The following DMXL1 variants were observed in gnomAD, a reference collection of about 807,000 sequenced individuals.
The protein encoded by DMXL1 is dmX-like protein 1.
In DMXL1, 99 loss-of-function variants were observed where a neutral mutation model predicts 319.2. That is an observed-to-expected ratio of 0.31 (90% CI 0.26 to 0.37). The LOEUF (loss-of-function observed/expected upper bound fraction) is 0.37. Ranked by LOEUF, DMXL1 falls within the 10% of genes least tolerant of loss-of-function variation. DMXL1 has a pLI of 1.00. For missense variants in DMXL1, 3,745 were observed against 3,595.6 expected, an observed-to-expected ratio of 1.04 and a Z score of -1.06; for synonymous variants, 1,385 against 1,235.2, an observed-to-expected ratio of 1.12 and a Z score of -2.54.
intron 38 of DMXL1, among the ~76,000 whole-genome samples, 165 bp downstream of exon 38, chr5:119,224,934 CTG>C (rs1204097793): frequency 1.3e-5 from 2 of 151,834 alleles, no homozygotes; most frequent in Non-Finnish European, 2.9e-5. Flanking sequence ...GATTTCAAAA[CTG>C]GGTAAAAATA....
chr5:119,156,047 C>G (rs1023771143), intron 19 of DMXL1, among the ~76,000 whole-genome samples: 6 of 152,120 alleles, frequency 3.9e-5, no homozygotes, highest in African/African-American at 1.4e-4. Flanking sequence ...GTTCTAAATT[C>G]TATCAAATAG....
chr5:119,125,816 G>A (rs1763421729), intron 9 of DMXL1, among the ~76,000 whole-genome samples: 1 of 152,142 alleles, frequency 6.6e-6, no homozygotes, highest in East Asian at 1.9e-4. Context: ...CACCCACCTT[G>A]ACCTCCCAAA....
chr5:119,137,696 C>G (rs1356562791), intron 13 of DMXL1, among the ~76,000 whole-genome samples: 2 of 152,176 alleles, frequency 1.3e-5, no homozygotes, highest in African/African-American at 4.8e-5. Context: ...TTCTTTCCTG[C>G]CACCTTGTGA....
rs141079723 is a variant in DMXL1, at chr5:119,149,512, G to T, written c.3685G>T (p.Val1229Leu). ...GTGGGTCCGGGATGGCATCCTTGTGGTAGGAATGGACTGTGAAATGCATGT... is the reference window on the plus strand; with the variant it reads ...GTGGGTCCGGGATGGCATCCTTGTGTTAGGAATGGACTGTGAAATGCATGT... The part of the protein sequence containing the change: ...LSWVRDGILV[V>L]GMDCEMHVYC... The change falls in exon 18 of 44, where the codon GTA becomes TTA. Residue 1229 changes from valine (V) to leucine (L), a missense_variant. Transcript: ENST00000539542. 124 of 1,613,968 alleles carry T rather than the reference G, an allele frequency of 7.7e-5. No homozygotes were observed. In the African/African-American group the frequency reaches 1.5e-3, roughly 20 times the overall value.
Position 119,170,567 on chromosome 5 carries a change from C to T in DMXL1, c.5776C>T (p.Gln1926Ter). The T allele has an allele frequency of 6.2e-7, 1 of 1,613,848 alleles. No individual in the cohort carries two copies. The highest frequency in any genetic ancestry group is 8.5e-7 in the Non-Finnish European group (1 of 1,179,910). The change falls in exon 24 of 44, where the codon CAG (glutamine) becomes TAG (stop). Residue 1926 changes from glutamine to a stop codon, truncating the protein, a stop_gained. Coordinates refer to ENST00000539542, the MANE Select transcript of DMXL1 (RefSeq NM_001290321.3). LOFTEE classifies it high-confidence loss of function. ...TAAGTCTTCTGCTGTTGATTGGTCA[C>T]AGTCACTGATAAATGGTTTTGGATC... ...EDKSSAVDWS[Q>*]SLINGFGSSS...
At position 119,122,375 on chromosome 5, in the gene DMXL1, C is replaced by A. The variant is rs1421235659; in HGVS notation, c.1102+1236C>A. Among the ~76,000 whole-genome samples the A allele has an allele frequency of 2.0e-5, 3 of 150,152 alleles. No homozygotes were observed. The East Asian group carries it at 6.0e-4, about 30-fold the overall frequency. ...CCGGGCAGAGGGGCTCCTCACTTCC[C>A]AGTAGGGGCGACCGGGCAGAGGCGC... On this transcript the variant is annotated intron_variant, in intron 9 of 43. Coordinates refer to ENST00000539542, the MANE Select transcript of DMXL1 (RefSeq NM_001290321.3).
chr5:119,162,019 G>A (rs1025041995), intron 19 of DMXL1, among the ~76,000 whole-genome samples: 3 of 152,222 alleles, frequency 2.0e-5, no homozygotes, highest in Non-Finnish European at 2.9e-5. Context: ...CCCTTGAGGT[G>A]AGACCAGCGT....
chr5:119,099,715 A>G (rs1447186860), intron 2 of DMXL1, among the ~76,000 whole-genome samples: 1 of 152,192 alleles, frequency 6.6e-6, no homozygotes, highest in African/African-American at 2.4e-5. Context: ...GAATGAAGAA[A>G]TCATGGCCAT....
rs752632200 is a variant in DMXL1, at chr5:119,133,943, T to A, written c.2019T>A (p.Phe673Leu). 9 of 1,614,170 alleles carry A rather than the reference T, an allele frequency of 5.6e-6. No individual in the cohort carries two copies. The East Asian group carries it at 2.0e-4, about 36-fold the overall frequency. Reference protein sequence around the residue: ...TPDVDNPEQPFDALNIEECSL... With the variant: ...TPDVDNPEQPLDALNIEECSL... The stretch of plus-strand genomic sequence containing the variant: ...ATGTTGATAACCCAGAGCAACCTTT[T>A]GATGCTCTAAATATTGAAGAATGCT... The change falls in exon 12 of 44, where the codon TTT (phenylalanine) becomes TTA (leucine). Residue 673 changes from phenylalanine (F) to leucine (L), a missense_variant. Transcript: ENST00000539542.
At chr5:119,123,199 A>T (rs926168586) in intron 9 of DMXL1, among the ~76,000 whole-genome samples, 3 of 151,944 alleles carry the variant, frequency 2.0e-5, no homozygotes, top group Non-Finnish European at 2.9e-5. Context: ...GGCACTCGGC[A>T]GGCTGAGGCA....
intron 1 of DMXL1, among the ~76,000 whole-genome samples, chr5:119,090,179 C>T (rs1396206482): frequency 6.6e-6 from 1 of 150,956 alleles, no homozygotes; most frequent in Non-Finnish European, 1.5e-5. Context: ...CACCACCCCA[C>T]CCAGCTAATT....
chr5:119,071,318 G>A lies in DMXL1; in HGVS notation c.-252G>A, dbSNP rs1055339828. ...CCTGAGCTTCACCTGGGCTAGCGCG[G>A]GGAGTGACAGGTGCGCGAAGGAGCG... On this transcript the variant is annotated 5_prime_UTR_variant, in exon 1 of 44. Transcript: ENST00000539542. 1.4e-5 allele frequency: 7 copies of A among 501,982 alleles called. No homozygotes were observed. The Admixed American group carries it at 1.9e-4, about 14-fold the overall frequency. 31.1% of individuals were successfully genotyped at this position (501,982 alleles called of 1,614,324 possible).
In DMXL1 at chr5:119,189,786, C is replaced by T. The variant is rs1465014715; in HGVS notation, c.7214C>T (p.Pro2405Leu). The T allele has an allele frequency of 6.2e-7, 1 of 1,613,984 alleles. No individual in the cohort carries two copies. The highest frequency in any genetic ancestry group is 8.5e-7 in the Non-Finnish European group (1 of 1,180,006). ...AAAATGTCTTGCAGAGAATCTGCCC[C>T]ACTGACCCCTTCCTCGGCACCAGTA... is the stretch of plus-strand genomic sequence containing the variant. ...PSKMSCRESA[P>L]LTPSSAPVSQ... is the part of the protein sequence containing the mutation. Residue 2405 changes from proline to leucine, a missense_variant, in exon 29 of 44, where the codon CCA (proline) becomes CTA (leucine). Transcript: ENST00000539542.
At chr5:119,181,557 C>G (rs1052147543) in intron 28 of DMXL1, among the ~76,000 whole-genome samples, 2 of 152,198 alleles carry the variant, frequency 1.3e-5, no homozygotes, top group Admixed American at 6.5e-5. Context: ...TGTGGTGGCT[C>G]ACACCTGTAA....
At chr5:119,098,910 A>G (rs918626898) in intron 2 of DMXL1, among the ~76,000 whole-genome samples, 7 of 152,298 alleles carry the variant, frequency 4.6e-5, no homozygotes, top group African/African-American at 9.6e-5. Context: ...CATGGACCCA[A>G]TCATTTGTTT....
At chr5:119,111,036 G>A (rs1041240872) in intron 5 of DMXL1, among the ~76,000 whole-genome samples, 3 of 152,080 alleles carry the variant, frequency 2.0e-5, no homozygotes, top group South Asian at 2.1e-4. Flanking sequence ...TGATCTGCCC[G>A]CCTCAGCCTC....
chr5:119,139,705 TAGAC>T (rs1486563290), intron 13 of DMXL1, among the ~76,000 whole-genome samples: 2 of 152,256 alleles, frequency 1.3e-5, no homozygotes, highest in East Asian at 1.9e-4. Flanking sequence ...ATGTCAGTAT[TAGAC>T]AGCTCATCGA....
intron 1 of DMXL1, among the ~76,000 whole-genome samples, chr5:119,092,266 T>C (rs1754969216): frequency 1.3e-5 from 2 of 152,068 alleles, no homozygotes; most frequent in African/African-American, 4.8e-5. Flanking sequence ...GGGTTTTCTT[T>C]TTCTTTTATT....
intron 19 of DMXL1, among the ~76,000 whole-genome samples, chr5:119,163,505 C>T (rs1221222340): frequency 2.0e-5 from 3 of 152,302 alleles, no homozygotes; most frequent in Admixed American, 6.5e-5. Flanking sequence ...CCATGTCTAC[C>T]TCCCCAGTTC....
Sources: allele counts gnomAD v4.1 joint callset (sites outside exome capture counted in the v4.1 genomes callset), GRCh38; gene constraint gnomAD v4.1.1; transcripts MANE v1.5; gene names NCBI Gene and HGNC (gene_info 2026-07-23, HGNC 2026-07-21).